FAM174A: variants seen among roughly 807,000 people sequenced by gnomAD.
FAM174A encodes the protein family with sequence similarity 174 member A.
In FAM174A, 14 loss-of-function variants were observed where a neutral mutation model predicts 14.3. The observed-to-expected ratio is 0.98, with a 90% confidence interval of 0.65 to 1.53. The LOEUF (loss-of-function observed/expected upper bound fraction) is 1.53, where lower values mean the gene tolerates loss of function less well. Among genes scored for constraint, FAM174A ranks in the 40% most tolerant of loss-of-function variants. The pLI, the probability that FAM174A is intolerant of heterozygous loss-of-function variation, is 0.00. For missense variants in FAM174A, 241 were observed against 249.6 expected, an observed-to-expected ratio of 0.97 and a Z score of 0.23; for synonymous variants, 108 against 111.4, an observed-to-expected ratio of 0.97 and a Z score of 0.19.
intron 2 of FAM174A, chr5:100,581,507 C>A: frequency 5.1e-6 from 2 of 393,802 alleles, no homozygotes; most frequent in Non-Finnish European, 6.9e-6. Flanking sequence ...GATCCCAACA[C>A]TTTGGGAGGC....
chr5:100,562,144 T>A lies in FAM174A; in HGVS notation c.525T>A (p.Asp175Glu). The part of the protein sequence containing the change: ...NMELTPLEQD[D>E]EDDDNTLFDA... Reference sequence around the variant, plus strand: ...AATTGACACCTTTAGAACAGGATGATGAGGATGATGACAACACGTTGTTTG... The same window carrying A: ...AATTGACACCTTTAGAACAGGATGAAGAGGATGATGACAACACGTTGTTTG... Residue 175 changes from aspartate to glutamate, a missense_variant, in exon 2 of 3, where the codon GAT becomes GAA. Asp to Glu is a conservative substitution (Grantham distance 45, BLOSUM62 2). Coordinates refer to ENST00000312637, the MANE Select transcript of FAM174A (RefSeq NM_198507.3). The A allele has an allele frequency of 6.3e-7, 1 of 1,586,758 alleles. No individual in the cohort carries two copies. Among genetic ancestry groups the A allele is most frequent in the Admixed American group, 1.8e-5 (1 of 54,572 alleles).
At chr5:100,552,940 C>G (rs1333991626) in intron 1 of FAM174A, among the ~76,000 whole-genome samples, 1 of 152,016 alleles carries the variant, frequency 6.6e-6, no homozygotes, top group African/African-American at 2.4e-5. Flanking sequence ...TCCATACTTT[C>G]CTCTGTACAA....
chr5:100,537,390 A>C (rs1286248576), intron 1 of FAM174A, among the ~76,000 whole-genome samples: 3 of 152,108 alleles, frequency 2.0e-5, no homozygotes, highest in Non-Finnish European at 4.4e-5. Flanking sequence ...GTTGTTTTTC[A>C]TAAAAGTTAT....
chr5:100,582,358 T>G (rs1747036310), intron 2 of FAM174A, among the ~76,000 whole-genome samples: 1 of 152,114 alleles, frequency 6.6e-6, no homozygotes, highest in South Asian at 2.1e-4. Flanking sequence ...TGACTAAAGA[T>G]TCAGATAAGA....
At chr5:100,539,368 G>T (rs1209648940) in intron 1 of FAM174A, among the ~76,000 whole-genome samples, 1 of 152,082 alleles carries the variant, frequency 6.6e-6, no homozygotes, top group African/African-American at 2.4e-5. Context: ...TTAAAATGCA[G>T]ATCCTATTAA....
intron 2 of FAM174A, among the ~76,000 whole-genome samples, chr5:100,582,003 C>G (rs969425976): frequency 6.6e-6 from 1 of 152,006 alleles, no homozygotes; most frequent in Non-Finnish European, 1.5e-5. Context: ...TGAAAAAAAT[C>G]TTTTAGATAT....
chr5:100,537,721 G>A (rs1039134472), intron 1 of FAM174A, among the ~76,000 whole-genome samples: 1 of 152,054 alleles, frequency 6.6e-6, no homozygotes, highest in Non-Finnish European at 1.5e-5. Context: ...AAGATTAAAA[G>A]AATATTGAAA....
chr5:100,537,876 G>GT (rs1402915416), intron 1 of FAM174A, among the ~76,000 whole-genome samples: 1 of 151,888 alleles, frequency 6.6e-6, no homozygotes, highest in Non-Finnish European at 1.5e-5. Context: ...TTCCTTCCTT[G>GT]TTTTTTTCCT....
chr5:100,556,461 T>A (rs1021255418), intron 1 of FAM174A, among the ~76,000 whole-genome samples: 2 of 152,200 alleles, frequency 1.3e-5, no homozygotes, highest in African/African-American at 4.8e-5. Context: ...TAAAGTAGTT[T>A]TTTCCAGTTC....
At chr5:100,581,263 T>C in intron 2 of FAM174A, 1 of 554,676 alleles carries the variant, frequency 1.8e-6, no homozygotes, top group Non-Finnish European at 2.3e-6. Context: ...CAGTCTACCT[T>C]CTACAACTTC....
chr5:100,542,552 C>G (rs770841901), intron 1 of FAM174A, among the ~76,000 whole-genome samples: 26 of 152,216 alleles, frequency 1.7e-4, no homozygotes, highest in Non-Finnish European at 2.4e-4. Context: ...CTTTTCTCCA[C>G]TTCACCTGTC....
At chr5:100,569,575 G>C (rs566077678) in intron 2 of FAM174A, among the ~76,000 whole-genome samples, 72 of 151,970 alleles carry the variant, frequency 4.7e-4, no homozygotes, top group African/African-American at 1.7e-3. Flanking sequence ...GATTTTCAGG[G>C]TAAATTTCTG....
chr5:100,563,626 A>G (rs1746578767), intron 2 of FAM174A, among the ~76,000 whole-genome samples: 1 of 151,836 alleles, frequency 6.6e-6, no homozygotes, highest in Non-Finnish European at 1.5e-5. Context: ...CTTAAACAAC[A>G]CTGTAGACCA....
chr5:100,570,086 C>T (rs1746747096), intron 2 of FAM174A, among the ~76,000 whole-genome samples: 1 of 151,944 alleles, frequency 6.6e-6, no homozygotes, highest in Admixed American at 6.6e-5. Flanking sequence ...TTAAATTACA[C>T]TCACACTAAT....
rs1312256748 is a variant in FAM174A at position 100,535,840 on chromosome 5, T to A, written c.310T>A (p.Ser104Thr). The A allele has an allele frequency of 6.2e-7, 1 of 1,611,902 alleles. No individual in the cohort carries two copies. The highest frequency in any genetic ancestry group is 8.5e-7 in the Non-Finnish European group (1 of 1,179,882). Residue 104 changes from serine (S) to threonine (T), a missense_variant, in exon 1 of 3, where the codon TCG (serine) becomes ACG (threonine). Physicochemically the swap from Ser to Thr is moderately conservative, Grantham distance 58. Coordinates refer to ENST00000312637, the MANE Select transcript of FAM174A (RefSeq NM_198507.3). Reference sequence around the variant, plus strand: ...TCACGGAGGGAAGGCCGGGGAAGGCTCGGTGGGTGGCGGCCTTGCTGTGAG... The same window carrying A: ...TCACGGAGGGAAGGCCGGGGAAGGCACGGTGGGTGGCGGCCTTGCTGTGAG... ...DDHGGKAGEG[S>T]VGGGLAVSPN...
intron 1 of FAM174A, among the ~76,000 whole-genome samples, chr5:100,556,717 G>T (rs750473929): frequency 1.3e-5 from 2 of 152,142 alleles, no homozygotes; most frequent in African/African-American, 2.4e-5. Context: ...GTGAATGGAA[G>T]TTCACTCATG....
At chr5:100,576,888 G>T (rs927060403) in intron 2 of FAM174A, among the ~76,000 whole-genome samples, 1 of 152,094 alleles carries the variant, frequency 6.6e-6, no homozygotes, top group African/African-American at 2.4e-5. Flanking sequence ...TCAGTTCTTG[G>T]ACTGTTGGTA....
At chr5:100,574,784 G>A (rs923695918) in intron 2 of FAM174A, among the ~76,000 whole-genome samples, 1 of 152,160 alleles carries the variant, frequency 6.6e-6, no homozygotes, top group Non-Finnish European at 1.5e-5. Context: ...AGTAAATGGT[G>A]CAGTTTTTCA....
intron 2 of FAM174A, among the ~76,000 whole-genome samples, chr5:100,563,140 G>A (rs1039559826): frequency 6.6e-5 from 10 of 151,746 alleles, no homozygotes; most frequent in African/African-American, 2.4e-4. Flanking sequence ...GGAACTTTTA[G>A]TAATGCTGAT....
Sources: gnomAD v4.1 joint callset for allele counts (sites outside exome capture counted in the v4.1 genomes callset) on GRCh38, gnomAD v4.1.1 for gene constraint, MANE v1.5 for transcripts, NCBI Gene and HGNC (gene_info 2026-07-23, HGNC 2026-07-21) for gene names.